Variants in ANKRD18A observed in about 807,000 individuals in gnomAD.
ANKRD18A encodes the protein ankyrin repeat domain-containing protein 18A.
A neutral mutation model predicts 110.6 loss-of-function variants in ANKRD18A; 72 were observed. The ratio of observed to expected loss-of-function variants is 0.65; its 90% CI spans 0.54 to 0.79. The LOEUF is 0.79. ANKRD18A is among the 30% of genes least tolerant of loss of function. The pLI is 0.00. For synonymous variants in ANKRD18A, 305 were observed against 410.3 expected, an observed-to-expected ratio of 0.74 and a Z score of 3.10; for missense variants, 934 against 1,163.3, an observed-to-expected ratio of 0.80 and a Z score of 2.87.
intron 1 of ANKRD18A, among the ~76,000 whole-genome samples, chr9:38,618,885 CATTAT>C (rs200600276): frequency 0.015 from 2,304 of 149,424 alleles, 44 homozygotes; most frequent in African/African-American, 0.05. Flanking sequence ...ATATATAACA[CATTAT>C]ATTAGTAATA....
chr9:38,619,653 C>T (rs990722088), intron 1 of ANKRD18A, among the ~76,000 whole-genome samples: 1 of 152,102 alleles, frequency 6.6e-6, no homozygotes, highest in African/African-American at 2.4e-5. Flanking sequence ...TGAGTCTTCC[C>T]ATTCAAGGAA....
chr9:38,584,541 G>A lies in ANKRD18A; in HGVS notation c.2247+1642C>T, dbSNP rs184516390. ...CTTGTATATTTTAAATGAGTGAATT[G>A]CATGGTGTGTTAATTACTTCTCAAT... On this transcript the variant is annotated intron_variant, in intron 12 of 15. Transcript: ENST00000399703. Among the ~76,000 whole-genome samples the A allele has an allele frequency of 1.1e-3, 167 of 152,232 alleles. 1 individual carries two copies. The highest frequency in any genetic ancestry group is 2.2e-4 in the Non-Finnish European group (15 of 68,010).
At chr9:38,571,070 C>T, downstream of ANKRD18A, 2 of 1,478,246 alleles carry the variant, frequency 1.4e-6, no homozygotes, top group Non-Finnish European at 8.9e-7. Context: ...CCAGGGACCA[C>T]ATGAGGACTG....
At chr9:38,606,378 T>C (rs778387123) in intron 6 of ANKRD18A, among the ~76,000 whole-genome samples, 1 of 152,236 alleles carries the variant, frequency 6.6e-6, no homozygotes, top group Non-Finnish European at 1.5e-5. Context: ...ACCAACCATT[T>C]TCTTCCTCCT....
chr9:38,591,467 A>T (rs1563963241), intron 10 of ANKRD18A, among the ~76,000 whole-genome samples: 1 of 152,256 alleles, frequency 6.6e-6, no homozygotes, highest in Non-Finnish European at 1.5e-5. Flanking sequence ...CCAGGGACTG[A>T]CATGAAGCAC....
downstream of ANKRD18A, chr9:38,568,937 T>C: frequency 1.0e-6 from 1 of 985,320 alleles, no homozygotes; most frequent in Non-Finnish European, 1.2e-6. Flanking sequence ...GCTGCCAGGG[T>C]TGTTCGGATG....
rs747455939 is a variant in ANKRD18A, at chr9:38,575,480, G to T, written c.2960C>A (p.Thr987Asn). 6.4e-7 allele frequency: 1 copy of T among 1,550,550 alleles called. No individual in the cohort carries two copies. Among genetic ancestry groups the T allele is most frequent in the South Asian group, 1.2e-5 (1 of 83,820 alleles). ...AGAAATGGTCATATAACTAACCTCA[G>T]TCAAGAAGTTCTTGCAGTTATTTGA... ...QTSNNCKNFLTEVLLC is the reference protein window; with the variant it reads ...QTSNNCKNFLNEVLLC The change falls in exon 15 of 16, where the codon ACT becomes AAT. Residue 987 changes from threonine (T) to asparagine (N), a missense_variant. This residue lies in a region of ANKRD18A where 223 missense variants were observed against 226.7 expected (regional missense o/e 0.98). Transcript: ENST00000399703.
At chr9:38,613,764 A>G (rs1194328162) in intron 3 of ANKRD18A, among the ~76,000 whole-genome samples, 1 of 152,252 alleles carries the variant, frequency 6.6e-6, no homozygotes, top group Non-Finnish European at 1.5e-5. Flanking sequence ...CCCTAATACA[A>G]CTGCAACTGA....
At chr9:38,584,946 G>A (rs1824317785) in intron 12 of ANKRD18A, among the ~76,000 whole-genome samples, 1 of 152,054 alleles carries the variant, frequency 6.6e-6, no homozygotes, top group African/African-American at 2.4e-5. Context: ...ATCACAGAGA[G>A]AAGAAGCTGA....
At chr9:38,601,486 A>T (rs1230054789) in intron 7 of ANKRD18A, among the ~76,000 whole-genome samples, 2 of 152,218 alleles carry the variant, frequency 1.3e-5, no homozygotes, top group East Asian at 3.8e-4. Flanking sequence ...TGGAAACAAA[A>T]CAAAATTTAA....
chr9:38,586,053 C>T (rs556056369), intron 12 of ANKRD18A, 130 bp downstream of exon 12: 61 of 1,028,036 alleles, frequency 5.9e-5, no homozygotes, highest in Admixed American at 1.2e-4. Context: ...GCCTACGGGG[C>T]TTAATACCTA....
Position 38,571,981 on chromosome 9 carries a change from A to AAAT in ANKRD18A, c.*63_*64insATT. The stretch of plus-strand genomic sequence containing the variant: ...AACTTTTCCTTAAGATTTTATGGTT[A>AAAT]ATCTCTTCATTAGATGTGGCTTACC... On this transcript the variant is annotated 3_prime_UTR_variant, in exon 16 of 16. Transcript: ENST00000399703. The AAAT allele has an allele frequency of 6.4e-7, 1 of 1,551,834 alleles. No individual in the cohort carries two copies. The highest frequency in any genetic ancestry group is 1.4e-5 in the African/African-American group (1 of 71,204).
At chr9:38,583,484 G>A (rs1824248848) in intron 12 of ANKRD18A, among the ~76,000 whole-genome samples, 1 of 152,090 alleles carries the variant, frequency 6.6e-6, no homozygotes, top group Admixed American at 6.5e-5. Context: ...CCTGGGTCCG[G>A]GTTCAAGCAA....
At chr9:38,613,947 T>C (rs991622425) in intron 3 of ANKRD18A, among the ~76,000 whole-genome samples, 1 of 152,216 alleles carries the variant, frequency 6.6e-6, no homozygotes. Flanking sequence ...ACTGTCTGAA[T>C]GGCAGTGAGT....
At chr9:38,613,582 A>G (rs1271462571) in intron 3 of ANKRD18A, among the ~76,000 whole-genome samples, 1 of 152,240 alleles carries the variant, frequency 6.6e-6, no homozygotes, top group African/African-American at 2.4e-5. Flanking sequence ...CTATGTGCAT[A>G]TAATTTTCCC....
chr9:38,620,445 C>T lies in ANKRD18A; in HGVS notation c.-160G>A. 10 of 1,406,278 alleles carry T rather than the reference C, an allele frequency of 7.1e-6. No individual in the cohort carries two copies. Among genetic ancestry groups the T allele is most frequent in the South Asian group, 1.5e-5 (1 of 66,488 alleles). The allele number at this position is 1,406,278 out of a possible 1,614,324, so 87.1% of individuals were successfully genotyped here. A position where few individuals can be genotyped will look rare whatever the true frequency, so the allele number is the denominator to read the frequency against. On this transcript the variant is annotated 5_prime_UTR_variant, in exon 1 of 16. Transcript: ENST00000399703. ...CCCAAATCCAAGATCCACCCCCAAA[C>T]CCGCAATGTAGCTCAGAATCCGCGA...
intron 3 of ANKRD18A, among the ~76,000 whole-genome samples, chr9:38,612,492 C>A (rs1017664568): frequency 6.7e-6 from 1 of 150,008 alleles, no homozygotes; most frequent in African/African-American, 2.5e-5. Context: ...TAATAAGAGC[C>A]AATAAGTCAC....
At chr9:38,608,720 T>C (rs1422139448) in intron 5 of ANKRD18A, among the ~76,000 whole-genome samples, 1 of 147,138 alleles carries the variant, frequency 6.8e-6, no homozygotes, top group African/African-American at 2.5e-5. Context: ...ATAATAATTA[T>C]ATAATATATA....
intron 8 of ANKRD18A, among the ~76,000 whole-genome samples, chr9:38,600,467 C>T (rs143256193): frequency 3.3e-5 from 5 of 152,098 alleles, no homozygotes; most frequent in Admixed American, 3.3e-4. Context: ...CTGCTTATAC[C>T]CAGATCTAAT....
Sources: allele counts gnomAD v4.1 joint callset (sites outside exome capture counted in the v4.1 genomes callset), GRCh38; gene constraint gnomAD v4.1.1; regional missense constraint gnomAD v4.1.1; transcripts MANE v1.5; gene names NCBI Gene and HGNC (gene_info 2026-07-23, HGNC 2026-07-21).